GBP7: variants seen among roughly 807,000 people sequenced by gnomAD.
GBP7 encodes guanylate-binding protein 7.
In GBP7, 43 loss-of-function variants were observed where a neutral mutation model predicts 61.3. The observed-to-expected ratio is 0.70, with a 90% confidence interval of 0.55 to 0.91. The LOEUF is 0.91. Ranked by LOEUF, GBP7 falls within the 40% of genes least tolerant of loss-of-function variation. GBP7 has a pLI of 0.00. For missense variants in GBP7, 717 were observed against 740.5 expected (o/e 0.97, Z 0.37); for synonymous variants, 267 against 271.0 (o/e 0.99, Z 0.14).
At chr1:89,167,054 C>T (rs978492437) in intron 2 of GBP7, among the ~76,000 whole-genome samples, 8 of 152,218 alleles carry the variant, frequency 5.3e-5, no homozygotes, top group African/African-American at 1.9e-4. Flanking sequence ...ATATGGTCCC[C>T]TGCTCATTCT....
intron 9 of GBP7, among the ~76,000 whole-genome samples, chr1:89,135,610 GA>G (rs554518186): frequency 2.2e-4 from 33 of 148,724 alleles, no homozygotes; most frequent in East Asian, 7.8e-4. Context: ...AGGTTCATAA[GA>G]AAAAAAAAAT....
chr1:89,174,825 C>A (rs891441311), intron 1 of GBP7, among the ~76,000 whole-genome samples: 6 of 152,158 alleles, frequency 3.9e-5, no homozygotes, highest in Non-Finnish European at 7.4e-5. Flanking sequence ...TTTATTACCT[C>A]CATGTATATC....
chr1:89,140,204 A>G (rs2100638750), intron 9 of GBP7, among the ~76,000 whole-genome samples: 1 of 147,890 alleles, frequency 6.8e-6, no homozygotes, highest in African/African-American at 2.5e-5. Context: ...AAAACCAAAC[A>G]CCACATGTTC....
In GBP7 at chr1:89,152,790, A is replaced by C; in HGVS notation, c.319-13T>G. The C allele has an allele frequency of 1.6e-4, 16 of 101,986 alleles. No individual in the cohort carries two copies. The highest frequency in any genetic ancestry group is 1.5e-4 in the South Asian group (1 of 6,872). 6.3% of individuals were successfully genotyped at this position (101,986 alleles called of 1,614,324 possible). ...TCTTAGGGTCACTCTAGTGTTAAAG[A>C]AAAAAAAAAAAAAAATGGAAGCCAC... On this transcript the variant is annotated splice_polypyrimidine_tract_variant and intron_variant, in intron 3 of 10. Transcript: ENST00000294671.
At position 89,149,196 on chromosome 1, in the gene GBP7, T is replaced by C. The variant is rs622861; in HGVS notation, c.1152+96A>G. ...ATAAAATAATCCAATCTCCCTTTAC[T>C]ACAAGAAGGAGATGAACCATGGCAT... On this transcript the variant is annotated intron_variant, in intron 7 of 10. Coordinates refer to ENST00000294671, the MANE Select transcript of GBP7 (RefSeq NM_207398.3). 0.71 allele frequency: 756,494 copies of C among 1,069,382 alleles called. 268,894 individuals carry two copies. The highest frequency in any genetic ancestry group is 0.82 in the African/African-American group (51,129 of 62,640). The allele number at this position is 1,069,382 out of a possible 1,614,324, so 66.2% of individuals were successfully genotyped here.
intron 3 of GBP7, 52 bp downstream of exon 3, chr1:89,164,679 A>C: frequency 6.3e-7 from 1 of 1,579,470 alleles, no homozygotes; most frequent in African/African-American, 1.3e-5. Flanking sequence ...ATGCATAAAA[A>C]CATAAATAGA....
At position 89,152,391 on chromosome 1, in the gene GBP7, C is replaced by G. The variant is rs369594638; in HGVS notation, c.502G>C (p.Glu168Gln). 1.2e-6 allele frequency: 2 copies of G among 1,614,020 alleles called. No homozygotes were observed. Among genetic ancestry groups the G allele is most frequent in the Non-Finnish European group, 1.7e-6 (2 of 1,180,024 alleles). ...AAGTCTGGAAAGAAACTCACAAACT[C>G]GCTGGAGTCCTCAACTTCATCAGGT... ...PRPDEVEDSS[E>Q]FVSFFPDFIW... The change falls in exon 5 of 11, where the codon GAG becomes CAG. Residue 168 changes from glutamate to glutamine, a missense_variant. Transcript: ENST00000294671.
At chr1:89,160,938 T>C (rs1647247873) in intron 3 of GBP7, among the ~76,000 whole-genome samples, 1 of 151,922 alleles carries the variant, frequency 6.6e-6, no homozygotes, top group Non-Finnish European at 1.5e-5. Context: ...CTCCTCCCAT[T>C]ATCCACCCTC....
At chr1:89,148,853 C>A (rs1018999141) in intron 7 of GBP7, among the ~76,000 whole-genome samples, 1 of 152,070 alleles carries the variant, frequency 6.6e-6, no homozygotes, top group Admixed American at 6.6e-5. Flanking sequence ...AAAAAAAATT[C>A]TATATGTATA....
At chr1:89,136,856 A>G (rs913928330) in intron 9 of GBP7, among the ~76,000 whole-genome samples, 4 of 152,098 alleles carry the variant, frequency 2.6e-5, no homozygotes, top group South Asian at 2.1e-4. Context: ...CAAAAGATCA[A>G]TGAAACCAAT....
Position 89,132,288 on chromosome 1 carries a change from A to G in GBP7, c.1778T>C (p.Phe593Ser), listed in dbSNP as rs1681697350. Residue 593 changes from phenylalanine to serine, a missense_variant, in exon 11 of 11, where the codon TTT (phenylalanine) becomes TCT (serine). Physicochemically the swap from Phe to Ser is radical, Grantham distance 155. Transcript: ENST00000294671. Reference protein sequence around the residue: ...EAAENEEPSVFSQILDVAGSI... With the variant: ...EAAENEEPSVSSQILDVAGSI... ...GCCAGCCACATCAAGAATCTGTGAA[A>G]ACACTGAGGGCTCTTCATTTTCAGC... 5.6e-6 allele frequency: 9 copies of G among 1,614,048 alleles called. No individual in the cohort carries two copies. Among genetic ancestry groups the G allele is most frequent in the Non-Finnish European group, 7.6e-6 (9 of 1,179,980 alleles).
intron 2 of GBP7, among the ~76,000 whole-genome samples, chr1:89,168,813 A>AC (rs80046094): frequency 4.4e-4 from 66 of 150,874 alleles, no homozygotes; most frequent in African/African-American, 1.5e-3. Flanking sequence ...AACAACAACA[A>AC]AAAACGGTAG....
Position 89,152,332 on chromosome 1 carries a change from C to T in GBP7, c.561G>A (p.Leu187=), listed in dbSNP as rs1181532313. Reference sequence around the variant, plus strand: ...CTGTGATGGGGTGTCCATCTAACTTCAGCTCCAGGGTAAAATCTCGAACAG... The same window carrying T: ...CTGTGATGGGGTGTCCATCTAACTTTAGCTCCAGGGTAAAATCTCGAACAG... ...IWTVRDFTLE[L]KLDGHPITED... is the part of the protein sequence containing the mutation. Residue 187 remains leucine, a synonymous_variant, in exon 5 of 11, where the codon CTG becomes CTA. Transcript: ENST00000294671. The T allele has an allele frequency of 2.5e-6, 4 of 1,614,032 alleles. No homozygotes were observed. Among genetic ancestry groups the T allele is most frequent in the East Asian group, 4.5e-5 (2 of 44,884 alleles).
intron 2 of GBP7, among the ~76,000 whole-genome samples, chr1:89,168,707 G>A (rs902897182): frequency 6.6e-6 from 1 of 152,020 alleles, no homozygotes; most frequent in African/African-American, 2.4e-5. Context: ...GGCCAAGGCG[G>A]GTGGATCACC....
Position 89,135,439 on chromosome 1 carries a change from C to A in GBP7, c.1469-1988G>T, listed in dbSNP as rs565064287. Among the ~76,000 whole-genome samples, 7 of 152,166 alleles carry A rather than the reference C, an allele frequency of 4.6e-5. No homozygotes were observed. The East Asian group carries it at 1.4e-3, about 29-fold the overall frequency. On this transcript the variant is annotated intron_variant, in intron 9 of 10. Coordinates refer to ENST00000294671, the MANE Select transcript of GBP7 (RefSeq NM_207398.3). ...AGTGCAAAAGAAAAAATATTAAAGG[C>A]AGCTTGAGAAAAGGGGCAGGTCTTC...
chr1:89,145,953 C>T (rs1682052353), intron 8 of GBP7, among the ~76,000 whole-genome samples: 1 of 152,002 alleles, frequency 6.6e-6, no homozygotes, highest in African/African-American at 2.4e-5. Flanking sequence ...TGTTTTTTCA[C>T]AGCAGTAAGA....
At chr1:89,132,494 C>G in intron 10 of GBP7, 91 bp from the exon 11 acceptor site, 1 of 926,342 alleles carries the variant, frequency 1.1e-6, no homozygotes. Context: ...AAACATGTGT[C>G]CATTTCTCTA....
At chr1:89,137,003 A>G (rs1182967175) in intron 9 of GBP7, among the ~76,000 whole-genome samples, 3 of 152,114 alleles carry the variant, frequency 2.0e-5, no homozygotes, top group African/African-American at 2.4e-5. Flanking sequence ...AATACAAAAA[A>G]TCCTGAGAGA....
chr1:89,164,940 C>T (rs756081737), intron 2 of GBP7, 82 bp from the exon 3 acceptor site: 53 of 1,392,376 alleles, frequency 3.8e-5, no homozygotes, highest in Non-Finnish European at 4.4e-5. Flanking sequence ...TGTATAGGAA[C>T]GTTAAGTTCC....
Sources: gnomAD v4.1 joint callset for allele counts (sites outside exome capture counted in the v4.1 genomes callset) on GRCh38, gnomAD v4.1.1 for gene constraint, MANE v1.5 for transcripts, NCBI Gene and HGNC (gene_info 2026-07-23, HGNC 2026-07-21) for gene names.